Variants in CIBAR1 observed in about 807,000 individuals in gnomAD.
CIBAR1 encodes the protein CBY1-interacting BAR domain-containing protein 1.
A neutral mutation model predicts 44.0 loss-of-function variants in CIBAR1; 25 were observed. That is an observed-to-expected ratio of 0.57 (90% confidence interval 0.41 to 0.79). CIBAR1 has a LOEUF of 0.79. Ranked by LOEUF, CIBAR1 falls within the 30% of genes least tolerant of loss-of-function variation. The pLI is 0.00. For synonymous variants in CIBAR1, 115 were observed against 119.0 expected (o/e 0.97, Z 0.22); for missense variants, 278 against 344.8 (o/e 0.81, Z 1.53).
chr8:93,705,267 T>C (rs1810535324), intron 4 of CIBAR1: 1 of 415,614 alleles, frequency 2.4e-6, no homozygotes, highest in African/African-American at 2.0e-5. Flanking sequence ...TTATAAACAG[T>C]AAATTCAAAT....
intron 6 of CIBAR1, among the ~76,000 whole-genome samples, chr8:93,713,861 C>G (rs1383795334): frequency 1.3e-5 from 2 of 152,260 alleles, no homozygotes; most frequent in Middle Eastern, 3.4e-3. Context: ...ACCACACTGT[C>G]CTAACATTGC....
At chr8:93,713,395 T>C (rs990481333) in intron 6 of CIBAR1, among the ~76,000 whole-genome samples, 2 of 152,194 alleles carry the variant, frequency 1.3e-5, no homozygotes, top group Non-Finnish European at 2.9e-5. Flanking sequence ...TTATATATTC[T>C]AGATAGAAGT....
intron 4 of CIBAR1, among the ~76,000 whole-genome samples, chr8:93,706,704 G>A (rs1810596304): frequency 6.6e-6 from 1 of 152,214 alleles, no homozygotes; most frequent in Admixed American, 6.5e-5. Flanking sequence ...TTCACATGGT[G>A]AGGAAATAAA....
intron 8 of CIBAR1, chr8:93,727,197 T>C: frequency 1.6e-6 from 2 of 1,286,840 alleles, no homozygotes; most frequent in Non-Finnish European, 2.0e-6. Flanking sequence ...ATATCTAGCC[T>C]TCAGAATATA....
At position 93,727,253 on chromosome 8, in the gene CIBAR1, G is replaced by A. The variant is rs185072214; in HGVS notation, c.777+740G>A. 3.2e-3 allele frequency: 3,694 copies of A among 1,161,098 alleles called. 9 individuals are homozygous for A. Among genetic ancestry groups the A allele is most frequent in the Non-Finnish European group, 3.8e-3 (3,305 of 881,180 alleles). The allele number at this position is 1,161,098 out of a possible 1,614,324, so 71.9% of individuals were successfully genotyped here. A position where few individuals can be genotyped will look rare whatever the true frequency, so the allele number is the denominator to read the frequency against. On this transcript the variant is annotated intron_variant, in intron 8 of 8. Coordinates refer to ENST00000518322, the MANE Select transcript of CIBAR1 (RefSeq NM_145269.5). ...CAAGATACAACTTTTAGGTAAATTTGATACCATACTTTCTATTTTCATTTG... is the reference window on the plus strand; with the variant it reads ...CAAGATACAACTTTTAGGTAAATTTAATACCATACTTTCTATTTTCATTTG...
chr8:93,725,280 G>GCAGCATTGTTTTTATATATAAT (rs1554607709), intron 7 of CIBAR1, among the ~76,000 whole-genome samples: 1 of 152,182 alleles, frequency 6.6e-6, no homozygotes, highest in Non-Finnish European at 1.5e-5. Flanking sequence ...ACTGTGTGCA[G>GCAGCATTGTTTTTATATATAAT]CAGCATTGTT....
In CIBAR1 at chr8:93,718,767, T is replaced by C; in HGVS notation, c.636T>C (p.Ile212=). The change falls in exon 7 of 9, where the codon ATT becomes ATC. Residue 212 remains isoleucine, a synonymous_variant. Transcript: ENST00000518322. Reference sequence around the variant, plus strand: ...CTGCCTACCAGAATATACAAAACATTGATGAAGATGAAGATTTAGAGGTAG... The same window carrying C: ...CTGCCTACCAGAATATACAAAACATCGATGAAGATGAAGATTTAGAGGTAG... ...YTAAYQNIQN[I]DEDEDLEVFR... The C allele has an allele frequency of 6.4e-7, 1 of 1,554,642 alleles. No homozygotes were observed. Among genetic ancestry groups the C allele is most frequent in the East Asian group, 2.3e-5 (1 of 43,234 alleles).
chr8:93,711,024 C>T (rs1199398468), intron 6 of CIBAR1, among the ~76,000 whole-genome samples: 2 of 152,040 alleles, frequency 1.3e-5, no homozygotes, highest in Admixed American at 1.3e-4. Flanking sequence ...GTAATAGTAG[C>T]CAACCACGTA....
intron 4 of CIBAR1, 116 bp downstream of exon 4, chr8:93,705,126 A>G (rs1810528788): frequency 1.5e-6 from 1 of 682,178 alleles, no homozygotes; most frequent in South Asian, 2.0e-5. Context: ...GAATATAAAG[A>G]TTGAAAAGAA....
At position 93,701,432 on chromosome 8, in the gene CIBAR1, A is replaced by C; in HGVS notation, c.235A>C (p.Lys79Gln). 6.2e-7 allele frequency: 1 copy of C among 1,613,680 alleles called. No individual in the cohort carries two copies. Among genetic ancestry groups the C allele is most frequent in the South Asian group, 1.1e-5 (1 of 90,998 alleles). ...GATGAACTTTGCAGATGAGTTTGCC[A>C]AACTTCAGGATTATCGACAAGCAGA... ...GLMNFADEFAKLQDYRQAEVE... is the reference protein window; with the variant it reads ...GLMNFADEFAQLQDYRQAEVE... Residue 79 changes from lysine (K) to glutamine (Q), a missense_variant, in exon 2 of 9, where the codon AAA becomes CAA. Transcript: ENST00000518322.
chr8:93,724,010 T>C (rs764390253), intron 7 of CIBAR1, among the ~76,000 whole-genome samples: 5 of 152,144 alleles, frequency 3.3e-5, no homozygotes, highest in Admixed American at 6.5e-5. Flanking sequence ...AGCAGGAGGA[T>C]TGCTTGCGGC....
At chr8:93,722,025 T>C (rs1811282927) in intron 7 of CIBAR1, among the ~76,000 whole-genome samples, 1 of 152,086 alleles carries the variant, frequency 6.6e-6, no homozygotes, top group Non-Finnish European at 1.5e-5. Flanking sequence ...TTGAGAATCA[T>C]GGCATGTCAT....
In CIBAR1 at chr8:93,729,172, G is replaced by A. The variant is rs1235426112; in HGVS notation, c.*875G>A. 4.6e-5 allele frequency: 7 copies of A among 151,916 alleles called. No homozygotes were observed. The East Asian group carries it at 5.8e-4, about 13-fold the overall frequency. 9.4% of individuals were successfully genotyped at this position (151,916 alleles called of 1,614,324 possible). ...TCCCAGGCAGGCATATAAAAGTTAC[G>A]GAATTTATAAAATCATTTGGGATAA... On this transcript the variant is annotated 3_prime_UTR_variant, in exon 9 of 9. Coordinates refer to ENST00000518322, the MANE Select transcript of CIBAR1 (RefSeq NM_145269.5).
intron 7 of CIBAR1, 119 bp downstream of exon 7, chr8:93,718,907 A>G: frequency 1.8e-6 from 1 of 543,792 alleles, no homozygotes; most frequent in South Asian, 4.1e-5. Flanking sequence ...TCTGTTGCCC[A>G]AGTTGGAGTG....
At chr8:93,706,001 T>C (rs1340345654) in intron 4 of CIBAR1, 12 of 152,126 alleles carry the variant, frequency 7.9e-5, no homozygotes, top group Admixed American at 7.9e-4. Flanking sequence ...ACTGCCTCTT[T>C]TTCCCATTCC....
At chr8:93,721,238 C>T (rs1042042393) in intron 7 of CIBAR1, 1 of 152,218 alleles carries the variant, frequency 6.6e-6, no homozygotes, top group African/African-American at 2.4e-5. Flanking sequence ...CATTTAGTGG[C>T]AGCTTCAAAA....
At chr8:93,722,667 T>C (rs1811312467) in intron 7 of CIBAR1, among the ~76,000 whole-genome samples, 1 of 151,860 alleles carries the variant, frequency 6.6e-6, no homozygotes, top group Non-Finnish European at 1.5e-5. Flanking sequence ...CCAATTGCAC[T>C]CCAGCCTGGG....
Position 93,701,381 on chromosome 8 carries a change from G to C in CIBAR1, c.184G>C (p.Glu62Gln). The change falls in exon 2 of 9, where the codon GAG becomes CAG. Residue 62 changes from glutamate (E) to glutamine (Q), a missense_variant. Glu to Gln is a conservative substitution (Grantham distance 29, BLOSUM62 2). Around this residue, in one of 3 missense-constraint regions of CIBAR1, gnomAD observed 183 missense variants for 218.6 expected, o/e 0.84. Coordinates refer to ENST00000518322, the MANE Select transcript of CIBAR1 (RefSeq NM_145269.5). ...TGAAATTAACGCGTATGCTGCTACA[G>C]AGACCCCGCATTTAAAGCTGGGCCT... is the stretch of plus-strand genomic sequence containing the variant. Reference protein sequence around the residue: ...VNEINAYAATETPHLKLGLMN... With the variant: ...VNEINAYAATQTPHLKLGLMN... The C allele has an allele frequency of 1.9e-6, 3 of 1,613,858 alleles. No individual in the cohort carries two copies. The highest frequency in any genetic ancestry group is 2.5e-6 in the Non-Finnish European group (3 of 1,179,884).
intron 7 of CIBAR1, among the ~76,000 whole-genome samples, chr8:93,724,348 CAG>C (rs1384639718): frequency 2.6e-5 from 4 of 152,118 alleles, no homozygotes; most frequent in Non-Finnish European, 4.4e-5. Flanking sequence ...TTTTTTAAGA[CAG>C]GGTCTCATCC....
Sources: allele counts gnomAD v4.1 joint callset (sites outside exome capture counted in the v4.1 genomes callset), GRCh38; gene constraint gnomAD v4.1.1; regional missense constraint gnomAD v4.1.1; transcripts MANE v1.5; gene names NCBI Gene and HGNC (gene_info 2026-07-23, HGNC 2026-07-21).